CTTN: variants seen among roughly 807,000 people sequenced by gnomAD.
CTTN encodes the protein src substrate cortactin.
In CTTN, 28 loss-of-function variants were observed where a neutral mutation model predicts 84.0. The ratio of observed to expected loss-of-function variants is 0.33; its 90% confidence interval spans 0.25 to 0.46. The LOEUF is 0.46. Among genes scored for constraint, CTTN ranks in the 20% least tolerant of loss-of-function variants. The pLI, the probability that CTTN is intolerant of heterozygous loss-of-function variation, is 1.00. For synonymous variants in CTTN, 301 were observed against 288.8 expected (o/e 1.04, Z -0.43); for missense variants, 641 against 723.8 (o/e 0.89, Z 1.31).
chr11:70,400,747 T>C (rs1006018653), intron 1 of CTTN, among the ~76,000 whole-genome samples: 30 of 152,326 alleles, frequency 2.0e-4, no homozygotes, highest in African/African-American at 6.3e-4. Flanking sequence ...GTTGCTGCCT[T>C]GTGTTGCAGT....
rs779042199 is a variant in CTTN at position 70,435,690 on chromosome 11, G to A, written c.*528G>A. 1.3e-6 allele frequency: 2 copies of A among 1,597,600 alleles called. No homozygotes were observed. Among genetic ancestry groups the A allele is most frequent in the South Asian group, 1.1e-5 (1 of 90,804 alleles). ...CTAAGTCACCCAGAGCACAGGAGCT[G>A]CCATGTCAGATGGGAAATCTGCCTA... On this transcript the variant is annotated 3_prime_UTR_variant, in exon 18 of 18. Transcript: ENST00000301843.
chr11:70,408,791 G>A (rs969207144), intron 4 of CTTN, among the ~76,000 whole-genome samples: 1 of 152,182 alleles, frequency 6.6e-6, no homozygotes, highest in Non-Finnish European at 1.5e-5. Flanking sequence ...TCCGGTGGCC[G>A]TGCGGCTGCC....
At chr11:70,415,418 G>A (rs1371676664) in intron 6 of CTTN, among the ~76,000 whole-genome samples, 1 of 152,204 alleles carries the variant, frequency 6.6e-6, no homozygotes, top group Non-Finnish European at 1.5e-5. Flanking sequence ...CGCATGCTGG[G>A]GAGGGCAGGT....
Position 70,409,827 on chromosome 11 carries a change from C to T in CTTN, c.162-4C>T. 7 of 1,613,950 alleles carry T rather than the reference C, an allele frequency of 4.3e-6. No homozygotes were observed. Among genetic ancestry groups the T allele is most frequent in the Non-Finnish European group, 4.2e-6 (5 of 1,179,868 alleles). On this transcript the variant is annotated splice_region_variant and splice_polypyrimidine_tract_variant and intron_variant, in intron 4 of 17. Coordinates refer to ENST00000301843, the MANE Select transcript of CTTN (RefSeq NM_005231.4). ...CTGTTCCTATTTTCATCTCTTCCAT[C>T]AAGCATACACAAGCTGAGGGAGAAT...
At chr11:70,401,866 G>A (rs560108343) in intron 1 of CTTN, among the ~76,000 whole-genome samples, 1 of 151,902 alleles carries the variant, frequency 6.6e-6, no homozygotes, top group South Asian at 2.1e-4. Flanking sequence ...GCTGGTGGGG[G>A]GCTTTTAGGC....
intron 7 of CTTN, 184 bp from the exon 8 acceptor site, chr11:70,416,829 A>G: frequency 1.7e-6 from 1 of 584,668 alleles, no homozygotes; most frequent in Non-Finnish European, 3.1e-6. Flanking sequence ...CCCCCCATGC[A>G]CCTGTTGTGA....
chr11:70,429,454 C>T (rs545543309), intron 14 of CTTN, among the ~76,000 whole-genome samples: 1 of 152,330 alleles, frequency 6.6e-6, no homozygotes, highest in East Asian at 1.9e-4. Context: ...CAGGACCCGC[C>T]AACCTGCCCT....
At chr11:70,432,926 C>A (rs1407462689) in intron 15 of CTTN, among the ~76,000 whole-genome samples, 175 bp from the exon 16 acceptor site, 2 of 152,198 alleles carry the variant, frequency 1.3e-5, no homozygotes, top group Non-Finnish European at 2.9e-5. Context: ...GGGCACTCAC[C>A]ACCATGGTGA....
At chr11:70,403,305 C>CAGCCTCCCA (rs111368954) in intron 1 of CTTN, among the ~76,000 whole-genome samples, 60,116 of 149,906 alleles carry the variant, frequency 0.4, 13,866 homozygotes, top group African/African-American at 0.64. Context: ...TCTCCTGCTT[C>CAGCCTCCCA]AGCCTCCCAA....
At chr11:70,415,887 C>T (rs563232547) in intron 7 of CTTN, 170 bp downstream of exon 7, 14 of 654,438 alleles carry the variant, frequency 2.1e-5, no homozygotes, top group Middle Eastern at 4.3e-4. Flanking sequence ...CTCTGCCCTC[C>T]TCTTCATGTT....
At chr11:70,428,953 C>G in intron 13 of CTTN, 98 bp from the exon 14 acceptor site, 1 of 1,435,954 alleles carries the variant, frequency 7.0e-7, no homozygotes, top group Non-Finnish European at 9.7e-7. Flanking sequence ...GGGGGATGAC[C>G]GGTTCCTGGG....
intron 13 of CTTN, among the ~76,000 whole-genome samples, chr11:70,426,781 T>C (rs575496839): frequency 2.4e-3 from 361 of 151,896 alleles, no homozygotes; most frequent in South Asian, 6.5e-3. Context: ...TGCTATTTTT[T>C]AGTAGAGACG....
rs186344096 is a variant in CTTN at position 70,421,606 on chromosome 11, C to T, written c.901+26C>T. 134 of 1,538,828 alleles carry T rather than the reference C, an allele frequency of 8.7e-5. 1 individual carries two copies. The East Asian group carries it at 2.4e-3, about 28-fold the overall frequency. Reference sequence around the variant, plus strand: ...GCACAGTTGCCACCAGCCTCCTACCCTCCCCCCGACCCTCCTGTGCGGCCA... The same window carrying T: ...GCACAGTTGCCACCAGCCTCCTACCTTCCCCCCGACCCTCCTGTGCGGCCA... On this transcript the variant is annotated intron_variant, in intron 11 of 17. Coordinates refer to ENST00000301843, the MANE Select transcript of CTTN (RefSeq NM_005231.4).
intron 14 of CTTN, 140 bp from the exon 15 acceptor site, chr11:70,431,051 G>A (rs2058348563): frequency 1.2e-6 from 1 of 814,380 alleles, no homozygotes. Context: ...TGGTGCTCCA[G>A]CTCAGCCTTG....
At chr11:70,420,345 C>A in intron 9 of CTTN, 55 bp from the exon 10 acceptor site, 1 of 1,153,994 alleles carries the variant, frequency 8.7e-7, no homozygotes, top group Non-Finnish European at 1.3e-6. Context: ...TACTTTCCAC[C>A]TGTGACCTGC....
rs746878450 is a variant in CTTN, at chr11:70,429,036, C to CTCCT, written c.1028-10_1028-7dup. On this transcript the variant is annotated splice_polypyrimidine_tract_variant and intron_variant, in intron 13 of 17. Coordinates refer to ENST00000301843, the MANE Select transcript of CTTN (RefSeq NM_005231.4). ...GCTGTGCTCAAGGCACACGTCCTCC[C>CTCCT]TCCTTCCTCTATAGTGACCAGCAAA... 1.9e-6 allele frequency: 3 copies of CTCCT among 1,613,964 alleles called. No homozygotes were observed. In the South Asian group the frequency reaches 3.3e-5, roughly 18 times the overall value.
intron 17 of CTTN, 152 bp from the exon 18 acceptor site, chr11:70,434,874 G>A: frequency 1.3e-6 from 1 of 770,528 alleles, no homozygotes; most frequent in Non-Finnish European, 2.2e-6. Context: ...GGTGGCATGG[G>A]AGAGGCAGCA....
rs538812808 is a variant in CTTN at position 70,431,311 on chromosome 11, A to G, written c.1266+31A>G. 8.7e-6 allele frequency: 14 copies of G among 1,604,398 alleles called. No homozygotes were observed. In the East Asian group the frequency reaches 2.2e-4, roughly 26 times the overall value. On this transcript the variant is annotated intron_variant, in intron 15 of 17. Coordinates refer to ENST00000301843, the MANE Select transcript of CTTN (RefSeq NM_005231.4). ...TGTCTTTGGTGTTTGAATGAGCGTG[A>G]GTGACTTACTGCCAGAGCCCAGGTC... is the stretch of plus-strand genomic sequence containing the variant.
At chr11:70,401,669 AAAAG>A (rs2057984316) in intron 1 of CTTN, among the ~76,000 whole-genome samples, 1 of 151,668 alleles carries the variant, frequency 6.6e-6, no homozygotes, top group South Asian at 2.1e-4. Flanking sequence ...AACAAAAAAA[AAAAG>A]AGAGAGAAAA....
Sources: gnomAD v4.1 joint callset for allele counts (sites outside exome capture counted in the v4.1 genomes callset) on GRCh38, gnomAD v4.1.1 for gene constraint, MANE v1.5 for transcripts, NCBI Gene and HGNC (gene_info 2026-07-23, HGNC 2026-07-21) for gene names.